The following NKAIN3 variants were observed in gnomAD, a reference collection of about 807,000 sequenced individuals.
NKAIN3 encodes the protein sodium/potassium transporting ATPase interacting 3, also known as sodium/potassium-transporting ATPase subunit beta-1-interacting protein 3.
NKAIN3 carries 25 observed loss-of-function variants against 30.2 expected under a neutral mutation model. The ratio of observed to expected loss-of-function variants is 0.83; its 90% CI spans 0.60 to 1.16. The LOEUF (loss-of-function observed/expected upper bound fraction) is 1.16. Among genes scored for constraint, NKAIN3 ranks in the 50% most tolerant of loss-of-function variants. The probability of loss-of-function intolerance (pLI) is 0.00; values close to 1 mark genes in which losing one functional copy is unlikely to be tolerated. For missense variants in NKAIN3, 225 were observed against 254.1 expected, an observed-to-expected ratio of 0.89 and a Z score of 0.78; for synonymous variants, 91 against 89.6, an observed-to-expected ratio of 1.02 and a Z score of -0.09.
intron 4 of NKAIN3, among the ~76,000 whole-genome samples, chr8:62,868,662 A>G (rs1229688162): frequency 6.6e-6 from 1 of 152,144 alleles, no homozygotes; most frequent in Non-Finnish European, 1.5e-5. Context: ...CTTACTTTTG[A>G]ACACCGTTAC....
At chr8:62,664,617 C>G in intron 3 of NKAIN3, among the ~76,000 whole-genome samples, 1 of 152,166 alleles carries the variant, frequency 6.6e-6, no homozygotes, top group East Asian at 1.9e-4. Context: ...CCCAGCCAGG[C>G]ACTCTCAGTC....
chr8:62,958,394 T>C (rs1441983098), intron 6 of NKAIN3, among the ~76,000 whole-genome samples: 1 of 151,854 alleles, frequency 6.6e-6, no homozygotes, highest in African/African-American at 2.4e-5. Context: ...ACAACTGCTA[T>C]CGAGGGAGGT....
chr8:62,407,900 C>G (rs182423428), intron 1 of NKAIN3, among the ~76,000 whole-genome samples: 173 of 152,222 alleles, frequency 1.1e-3, no homozygotes, highest in African/African-American at 4.1e-3. Flanking sequence ...TGTGGTGGCA[C>G]GTGTCCCTAA....
Position 62,522,467 on chromosome 8 carries a change from T to TA in NKAIN3, c.55-57063dup, listed in dbSNP as rs1007951640. On this transcript the variant is annotated intron_variant, in intron 1 of 6. Transcript: ENST00000623646. ...TTTTAGAGTGTACTTCTCTAATTAT[T>TA]AAAAAAAAAGTAAGTGTAAAACAGC... Among the ~76,000 whole-genome samples the TA allele has an allele frequency of 2.7e-4, 41 of 151,314 alleles. 1 individual carries two copies. The South Asian group carries it at 5.9e-3, about 22-fold the overall frequency.
intron 4 of NKAIN3, among the ~76,000 whole-genome samples, chr8:62,865,509 T>C (rs763995222): frequency 1.1e-4 from 17 of 152,176 alleles, no homozygotes; most frequent in Non-Finnish European, 2.4e-4. Flanking sequence ...TGACTTCCCT[T>C]AGTGGTTTAC....
At chr8:62,820,525 A>T (rs1818816793) in intron 4 of NKAIN3, among the ~76,000 whole-genome samples, 1 of 152,138 alleles carries the variant, frequency 6.6e-6, no homozygotes, top group African/African-American at 2.4e-5. Flanking sequence ...AGACATGTTA[A>T]TCATGAAGCT....
chr8:62,952,692 A>G (rs1239361021), intron 5 of NKAIN3, among the ~76,000 whole-genome samples: 1 of 152,206 alleles, frequency 6.6e-6, no homozygotes, highest in Non-Finnish European at 1.5e-5. Flanking sequence ...AGCACCTCCA[A>G]AAAAACTTTC....
At chr8:62,902,215 A>C (rs1401059342) in intron 4 of NKAIN3, among the ~76,000 whole-genome samples, 2 of 152,174 alleles carry the variant, frequency 1.3e-5, no homozygotes, top group Non-Finnish European at 2.9e-5. Flanking sequence ...ATGCTTCCTG[A>C]AATACTGAGG....
chr8:62,368,579 G>T (rs1461521891), intron 1 of NKAIN3, among the ~76,000 whole-genome samples: 1 of 152,108 alleles, frequency 6.6e-6, no homozygotes, highest in Non-Finnish European at 1.5e-5. Flanking sequence ...GGGCATGAAG[G>T]GGGGCTTCTC....
At chr8:62,397,492 A>C (rs2129595023) in intron 1 of NKAIN3, among the ~76,000 whole-genome samples, 1 of 152,296 alleles carries the variant, frequency 6.6e-6, no homozygotes, top group African/African-American at 2.4e-5. Context: ...TGCAATTTAC[A>C]GGGAGGACAA....
intron 4 of NKAIN3, among the ~76,000 whole-genome samples, chr8:62,813,537 A>G (rs375250504): frequency 4.4e-4 from 65 of 148,810 alleles, no homozygotes; most frequent in East Asian, 4.1e-3. Context: ...GCCAGTCTGT[A>G]TATTTTCATT....
intron 1 of NKAIN3, among the ~76,000 whole-genome samples, chr8:62,434,489 C>A (rs969271436): frequency 6.6e-6 from 1 of 152,036 alleles, no homozygotes; most frequent in Non-Finnish European, 1.5e-5. Context: ...GTTATCAGAC[C>A]AGCGTTTATC....
chr8:62,873,173 G>A (rs1173534112), intron 4 of NKAIN3, among the ~76,000 whole-genome samples: 1 of 152,068 alleles, frequency 6.6e-6, no homozygotes, highest in Non-Finnish European at 1.5e-5. Context: ...AAGCAAAAAA[G>A]TGGCAGTTGC....
intron 1 of NKAIN3, among the ~76,000 whole-genome samples, chr8:62,521,506 T>A (rs1219762277): frequency 6.6e-6 from 1 of 152,118 alleles, no homozygotes; most frequent in Non-Finnish European, 1.5e-5. Flanking sequence ...GGCAGACACA[T>A]GTTCCTCCTA....
At chr8:62,313,731 G>GGC (rs1203576157) in intron 1 of NKAIN3, among the ~76,000 whole-genome samples, 1 of 152,126 alleles carries the variant, frequency 6.6e-6, no homozygotes. Flanking sequence ...TTCAAAAACT[G>GGC]TGTTATAAGA....
chr8:62,343,490 TAACA>T (rs1379933832), intron 1 of NKAIN3, among the ~76,000 whole-genome samples: 1 of 152,050 alleles, frequency 6.6e-6, no homozygotes, highest in African/African-American at 2.4e-5. Flanking sequence ...ACATCTTATT[TAACA>T]AACATTTAAA....
chr8:62,654,970 T>G (rs1812723887), intron 3 of NKAIN3, among the ~76,000 whole-genome samples: 1 of 152,172 alleles, frequency 6.6e-6, no homozygotes, highest in Admixed American at 6.6e-5. Context: ...AGGATGAAAG[T>G]GTGTGGTCAA....
chr8:62,362,567 G>T (rs1175338576), intron 1 of NKAIN3, among the ~76,000 whole-genome samples: 1 of 152,180 alleles, frequency 6.6e-6, no homozygotes, highest in East Asian at 1.9e-4. Context: ...GAACCCAAGA[G>T]AAACTGCACA....
chr8:62,492,607 A>G (rs907045083), intron 1 of NKAIN3, among the ~76,000 whole-genome samples: 1 of 152,188 alleles, frequency 6.6e-6, no homozygotes, highest in African/African-American at 2.4e-5. Flanking sequence ...TATAGTAGTT[A>G]ATTCAAATGT....
Sources: gnomAD v4.1 joint callset for allele counts (sites outside exome capture counted in the v4.1 genomes callset) on GRCh38, gnomAD v4.1.1 for gene constraint, MANE v1.5 for transcripts, NCBI Gene and HGNC (gene_info 2026-07-23, HGNC 2026-07-21) for gene names.